Variants in BCL2L11 observed in about 807,000 individuals in gnomAD.
BCL2L11 encodes the protein bcl-2-like protein 11.
Under a neutral mutation model 20.6 loss-of-function variants are expected in BCL2L11, and 15 were observed. The ratio of observed to expected loss-of-function variants is 0.73; its 90% CI spans 0.49 to 1.12. BCL2L11 has a LOEUF of 1.12. Ranked by LOEUF, BCL2L11 falls within the 50% of genes most tolerant of loss-of-function variation. BCL2L11 has a pLI of 0.00. For synonymous variants in BCL2L11, 108 were observed against 92.8 expected, an observed-to-expected ratio of 1.16 and a Z score of -0.94; for missense variants, 292 against 260.9, an observed-to-expected ratio of 1.12 and a Z score of -0.82.
chr2:111,166,851 C>T lies in BCL2L11; in HGVS notation c.*2620C>T, dbSNP rs2079044104. The T allele has an allele frequency of 2.0e-5, 3 of 152,540 alleles. No individual in the cohort carries two copies. The highest frequency in any genetic ancestry group is 7.2e-5 in the African/African-American group (3 of 41,414). 9.4% of individuals were successfully genotyped at this position (152,540 alleles called of 1,614,324 possible). A position where few individuals can be genotyped will look rare whatever the true frequency, so the allele number is the denominator to read the frequency against. Reference sequence around the variant, plus strand: ...GGAATACAATTGTCTGCCGTTTCCCCTTCTTAATGTATATATTGTGAGTAT... The same window carrying T: ...GGAATACAATTGTCTGCCGTTTCCCTTTCTTAATGTATATATTGTGAGTAT... On this transcript the variant is annotated 3_prime_UTR_variant, in exon 4 of 4. Transcript: ENST00000393256.
At chr2:111,154,906 G>A (rs941183699) in intron 3 of BCL2L11, among the ~76,000 whole-genome samples, 5 of 152,226 alleles carry the variant, frequency 3.3e-5, no homozygotes, top group African/African-American at 1.2e-4. Context: ...TTTGGCGGGA[G>A]GCACCAGTAG....
intron 3 of BCL2L11, among the ~76,000 whole-genome samples, chr2:111,159,923 T>A (rs1485064720): frequency 6.6e-6 from 1 of 152,240 alleles, no homozygotes; most frequent in African/African-American, 2.4e-5. Context: ...AAGGGCATTG[T>A]TCATATCTTC....
At chr2:111,124,971 T>C (rs1462483446) in intron 2 of BCL2L11, among the ~76,000 whole-genome samples, 1 of 152,138 alleles carries the variant, frequency 6.6e-6, no homozygotes, top group Non-Finnish European at 1.5e-5. Context: ...TTAAAGGCAG[T>C]AGTAGGGTTT....
intron 2 of BCL2L11, chr2:111,142,404 T>A: frequency 6.5e-7 from 1 of 1,547,166 alleles, no homozygotes; most frequent in Non-Finnish European, 8.7e-7. Flanking sequence ...GAAAAGTTTT[T>A]CTTTTTATTC....
intron 1 of BCL2L11, chr2:111,122,803 G>A: frequency 1.0e-6 from 1 of 985,330 alleles, no homozygotes; most frequent in Non-Finnish European, 1.2e-6. Context: ...CCCGGGCTTT[G>A]TCTCCTGCGC....
rs540916494 is a variant in BCL2L11, at chr2:111,140,230, TAGG to T, written c.395-9811_395-9809del. Among the ~76,000 whole-genome samples the T allele has an allele frequency of 1.2e-4, 18 of 152,224 alleles. No individual in the cohort carries two copies. The South Asian group carries it at 1.2e-3, about 11-fold the overall frequency. ...TGGTTTAGTTTGGACTTCCCTTTCTTAGGAGTGAGATGGTTTTGAAGCTAAAAT... is the reference window on the plus strand; with the variant it reads ...TGGTTTAGTTTGGACTTCCCTTTCTTAGTGAGATGGTTTTGAAGCTAAAAT... On this transcript the variant is annotated intron_variant, in intron 2 of 3. Transcript: ENST00000393256.
At chr2:111,140,291 T>C (rs1404864228) in intron 2 of BCL2L11, among the ~76,000 whole-genome samples, 1 of 151,884 alleles carries the variant, frequency 6.6e-6, no homozygotes, top group East Asian at 1.9e-4. Context: ...CTGATAAGAG[T>C]GTGTGTGTTA....
intron 1 of BCL2L11, chr2:111,123,035 C>A: frequency 1.0e-6 from 1 of 979,528 alleles, no homozygotes; most frequent in Non-Finnish European, 1.2e-6. Context: ...TGCAGGCGTT[C>A]GCTTCGTCGC....
intron 3 of BCL2L11, among the ~76,000 whole-genome samples, chr2:111,161,081 C>T (rs2078491714): frequency 6.6e-6 from 1 of 152,196 alleles, no homozygotes; most frequent in Non-Finnish European, 1.5e-5. Flanking sequence ...TTTCTGTGTC[C>T]TGATTGTCTC....
Position 111,144,485 on chromosome 2 carries a change from T to C in BCL2L11, c.395-5559T>C. On this transcript the variant is annotated intron_variant, in intron 2 of 3. Transcript: ENST00000393256. ...ATGGCAGTTGCTCTCCTTTGCCTTA[T>C]AGCTAACTGGGACTAGAAACAGCTC... 1.9e-6 allele frequency: 3 copies of C among 1,550,634 alleles called. No homozygotes were observed. The Admixed American group carries it at 5.9e-5, about 30-fold the overall frequency.
At chr2:111,140,868 C>T (rs569518154) in intron 2 of BCL2L11, among the ~76,000 whole-genome samples, 8 of 152,348 alleles carry the variant, frequency 5.3e-5, no homozygotes, top group African/African-American at 1.9e-4. Flanking sequence ...ATGCAATATA[C>T]GAGTGCCACC....
At chr2:111,135,902 C>T (rs764012736) in intron 2 of BCL2L11, among the ~76,000 whole-genome samples, 20 of 152,230 alleles carry the variant, frequency 1.3e-4, no homozygotes, top group Non-Finnish European at 2.9e-4. Flanking sequence ...CCTACTAACA[C>T]TGCTTTGGCA....
At chr2:111,140,778 AAAC>A (rs1348583552) in intron 2 of BCL2L11, among the ~76,000 whole-genome samples, 1 of 152,246 alleles carries the variant, frequency 6.6e-6, no homozygotes, top group Non-Finnish European at 1.5e-5. Flanking sequence ...AAATTAGTCA[AAAC>A]AACAACTTAA....
chr2:111,163,684 A>T (rs1045766619), intron 3 of BCL2L11, among the ~76,000 whole-genome samples: 1 of 152,096 alleles, frequency 6.6e-6, no homozygotes, highest in African/African-American at 2.4e-5. Flanking sequence ...CATCACTGCG[A>T]GACTTTATTT....
Position 111,121,075 on chromosome 2 carries a change from C to T in BCL2L11, c.-127C>T. ...CCTGCGAACCCTGCCACACTGCGAT[C>T]GCATCATCGCGGTATTCGGTTCGCT... On this transcript the variant is annotated 5_prime_UTR_variant, in exon 1 of 4. Transcript: ENST00000393256. 1 of 338,394 alleles carries T rather than the reference C, an allele frequency of 3.0e-6. No individual in the cohort carries two copies. Among genetic ancestry groups the T allele is most frequent in the Non-Finnish European group, 5.3e-6 (1 of 187,816 alleles). 21.0% of individuals were successfully genotyped at this position (338,394 alleles called of 1,614,324 possible). A position where few individuals can be genotyped will look rare whatever the true frequency, so the allele number is the denominator to read the frequency against.
chr2:111,141,749 A>G (rs1231852329), intron 2 of BCL2L11, among the ~76,000 whole-genome samples: 1 of 149,520 alleles, frequency 6.7e-6, no homozygotes. Context: ...CCCAGGCTGG[A>G]GTGCAATGGT....
intron 3 of BCL2L11, among the ~76,000 whole-genome samples, chr2:111,152,407 AT>A (rs1474742964): frequency 6.6e-6 from 1 of 152,296 alleles, no homozygotes; most frequent in African/African-American, 2.4e-5. Flanking sequence ...TCTGTTAGAG[AT>A]TTTGACCGCA....
At chr2:111,123,214 G>A (rs2071603662) in intron 1 of BCL2L11, 1 of 985,364 alleles carries the variant, frequency 1.0e-6, no homozygotes, top group Non-Finnish European at 1.2e-6. Flanking sequence ...ACTCTATTGT[G>A]ACGCACTTAC....
At chr2:111,164,087 C>A in intron 3 of BCL2L11, 46 bp from the exon 4 acceptor site, 1 of 1,086,436 alleles carries the variant, frequency 9.2e-7, no homozygotes, top group Non-Finnish European at 1.4e-6. Flanking sequence ...CCCTCCCCAC[C>A]CCCAAATTAG....
Sources: allele counts gnomAD v4.1 joint callset (sites outside exome capture counted in the v4.1 genomes callset), GRCh38; gene constraint gnomAD v4.1.1; transcripts MANE v1.5; gene names NCBI Gene and HGNC (gene_info 2026-07-23, HGNC 2026-07-21).